CFAP299: variants seen among roughly 807,000 people sequenced by gnomAD.
CFAP299 encodes cilia and flagella associated protein 299.
Under a neutral mutation model 27.0 loss-of-function variants are expected in CFAP299, and 21 were observed. The observed-to-expected ratio is 0.78, with a 90% CI of 0.55 to 1.12. The LOEUF (loss-of-function observed/expected upper bound fraction) is 1.12, where lower values mean the gene tolerates loss of function less well. CFAP299 is among the 50% of genes most tolerant of loss of function. The pLI is 0.00. For synonymous variants in CFAP299, 104 were observed against 98.1 expected, an observed-to-expected ratio of 1.06 and a Z score of -0.36; for missense variants, 310 against 276.6, an observed-to-expected ratio of 1.12 and a Z score of -0.86.
intron 2 of CFAP299, among the ~76,000 whole-genome samples, chr4:80,494,071 G>A (rs1353026924): frequency 6.6e-6 from 1 of 152,058 alleles, no homozygotes; most frequent in Admixed American, 6.6e-5. Context: ...CACCGCGCCT[G>A]GCCTCTATCT....
intron 3 of CFAP299, among the ~76,000 whole-genome samples, chr4:80,812,370 A>C (rs72880000): frequency 0.077 from 11,774 of 152,138 alleles, 530 homozygotes; most frequent in African/African-American, 0.1. Flanking sequence ...TTGTATGCCA[A>C]GGGCTAACAT....
chr4:80,572,450 T>A (rs1362594964), intron 2 of CFAP299, among the ~76,000 whole-genome samples: 1 of 148,404 alleles, frequency 6.7e-6, no homozygotes, highest in Non-Finnish European at 1.5e-5. Flanking sequence ...CTGGCTTATT[T>A]TACTTAACAA....
chr4:80,541,531 T>A (rs1484121660), intron 2 of CFAP299, among the ~76,000 whole-genome samples: 3 of 152,196 alleles, frequency 2.0e-5, no homozygotes, highest in African/African-American at 4.8e-5. Context: ...AATTATCTGT[T>A]TGATGTTTTA....
At chr4:80,869,733 C>T (rs1209564824) in intron 3 of CFAP299, among the ~76,000 whole-genome samples, 1 of 152,114 alleles carries the variant, frequency 6.6e-6, no homozygotes, top group Non-Finnish European at 1.5e-5. Flanking sequence ...AGGATAGTCT[C>T]GATCTCCTTA....
intron 2 of CFAP299, among the ~76,000 whole-genome samples, chr4:80,477,939 G>T (rs1730361860): frequency 6.6e-6 from 1 of 152,110 alleles, no homozygotes; most frequent in African/African-American, 2.4e-5. Context: ...AAATGGAACT[G>T]GTCTCACTTT....
At position 80,929,664 on chromosome 4, in the gene CFAP299, T is replaced by C. The variant is rs143861074; in HGVS notation, c.477-15146T>C. Among the ~76,000 whole-genome samples the C allele has an allele frequency of 2.0e-4, 30 of 152,340 alleles. No homozygotes were observed. The East Asian group carries it at 5.6e-3, about 28-fold the overall frequency. On this transcript the variant is annotated intron_variant, in intron 4 of 5. Coordinates refer to ENST00000358105, the MANE Select transcript of CFAP299 (RefSeq NM_152770.3). The stretch of plus-strand genomic sequence containing the variant: ...TGAGACAGATTCTAAACTGGTCCCC[T>C]GACTTCCAACTCTCTCTGCCTCCTG...
chr4:80,817,706 T>A (rs1247540513), intron 3 of CFAP299, among the ~76,000 whole-genome samples: 1 of 150,940 alleles, frequency 6.6e-6, no homozygotes, highest in Non-Finnish European at 1.5e-5. Context: ...AAAGCATTTT[T>A]GTATGTAAGT....
intron 2 of CFAP299, among the ~76,000 whole-genome samples, chr4:80,552,272 A>G (rs1734560623): frequency 6.6e-6 from 1 of 152,230 alleles, no homozygotes; most frequent in Non-Finnish European, 1.5e-5. Flanking sequence ...AACTGAAGTT[A>G]CCATATATGA....
At chr4:80,345,270 G>A (rs1263996981) in intron 1 of CFAP299, among the ~76,000 whole-genome samples, 1 of 150,636 alleles carries the variant, frequency 6.6e-6, no homozygotes, top group Non-Finnish European at 1.5e-5. Flanking sequence ...GTTTCTTTTT[G>A]TTATTATTAT....
At chr4:80,447,865 C>G (rs192768403) in intron 2 of CFAP299, among the ~76,000 whole-genome samples, 171 of 152,274 alleles carry the variant, frequency 1.1e-3, no homozygotes, top group African/African-American at 3.8e-3. Context: ...CCAGTTTAAT[C>G]TTTTAATAGT....
intron 3 of CFAP299, among the ~76,000 whole-genome samples, chr4:80,746,604 T>A (rs905939849): frequency 6.6e-6 from 1 of 151,960 alleles, no homozygotes; most frequent in African/African-American, 2.4e-5. Flanking sequence ...TTGACGTAAC[T>A]TTTTTCAGGA....
chr4:80,444,310 G>A (rs1728508800), intron 2 of CFAP299, among the ~76,000 whole-genome samples: 1 of 152,150 alleles, frequency 6.6e-6, no homozygotes, highest in Admixed American at 6.5e-5. Flanking sequence ...AAGACAGCAT[G>A]GTACTGGTAC....
chr4:80,959,246 TAA>T (rs35667663), intron 5 of CFAP299, among the ~76,000 whole-genome samples: 11,071 of 152,144 alleles, frequency 0.073, 507 homozygotes, highest in Middle Eastern at 0.17. Context: ...GAGATAGATA[TAA>T]GACATAGATA....
Position 80,376,846 on chromosome 4 carries a change from C to T in CFAP299, c.242+13962C>T, listed in dbSNP as rs114402758. On this transcript the variant is annotated intron_variant, in intron 2 of 5. Coordinates refer to ENST00000358105, the MANE Select transcript of CFAP299 (RefSeq NM_152770.3). Reference sequence around the variant, plus strand: ...ATTTTTGTATTTTTAGTAGAGACAGCGTTTAACCACATTGGCTAGGCTGGT... The same window carrying T: ...ATTTTTGTATTTTTAGTAGAGACAGTGTTTAACCACATTGGCTAGGCTGGT... 1.1e-3 allele frequency among the ~76,000 whole-genome samples: 165 copies of T among 152,094 alleles called. 3 individuals are homozygous for T. The highest frequency in any genetic ancestry group is 3.7e-3 in the African/African-American group (154 of 41,528).
At chr4:80,680,817 A>G (rs1719788705) in intron 3 of CFAP299, among the ~76,000 whole-genome samples, 1 of 152,188 alleles carries the variant, frequency 6.6e-6, no homozygotes, top group African/African-American at 2.4e-5. Context: ...CTCAGCCATG[A>G]AGTGAAATTC....
At chr4:80,686,147 G>A (rs1169450920) in intron 3 of CFAP299, among the ~76,000 whole-genome samples, 2 of 151,944 alleles carry the variant, frequency 1.3e-5, no homozygotes, top group Non-Finnish European at 2.9e-5. Flanking sequence ...AAAAATTAAT[G>A]CTATTGGAAT....
chr4:80,853,083 T>G (rs1731619180), intron 3 of CFAP299, among the ~76,000 whole-genome samples: 1 of 152,180 alleles, frequency 6.6e-6, no homozygotes, highest in Non-Finnish European at 1.5e-5. Context: ...CAGGCTGGAG[T>G]GCAGTGGCAT....
chr4:80,362,915 A>G, intron 2 of CFAP299, 31 bp downstream of exon 2: 7 of 1,591,374 alleles, frequency 4.4e-6, no homozygotes, highest in Non-Finnish European at 6.0e-6. Context: ...TCCAGATTTT[A>G]TGTTATATTC....
At chr4:80,601,788 T>C (rs1053421056) in intron 3 of CFAP299, among the ~76,000 whole-genome samples, 1 of 152,116 alleles carries the variant, frequency 6.6e-6, no homozygotes, top group Non-Finnish European at 1.5e-5. Context: ...TGAGTAAAAA[T>C]TGCAGCACTA....
Sources: gnomAD v4.1 joint callset for allele counts (sites outside exome capture counted in the v4.1 genomes callset) on GRCh38, gnomAD v4.1.1 for gene constraint, MANE v1.5 for transcripts, NCBI Gene and HGNC (gene_info 2026-07-23, HGNC 2026-07-21) for gene names.